Variants in OTOF observed in about 807,000 individuals in gnomAD.
The protein encoded by OTOF is fer-1-like family member 2.
In OTOF, 218 loss-of-function variants were observed where a neutral mutation model predicts 236.8. That is an observed-to-expected ratio of 0.92 (90% CI 0.82 to 1.03). The LOEUF (loss-of-function observed/expected upper bound fraction) is 1.03, where lower values mean the gene tolerates loss of function less well. Among genes scored for constraint, OTOF ranks in the 50% least tolerant of loss-of-function variants. The probability of loss-of-function intolerance (pLI) is 0.00; values close to 1 mark genes in which losing one functional copy is unlikely to be tolerated. For missense variants in OTOF, 2,590 were observed against 2,694.4 expected (o/e 0.96, Z 0.86); for synonymous variants, 1,041 against 1,072.5 (o/e 0.97, Z 0.57).
chr2:26,528,242 C>T (rs1666858274), intron 2 of OTOF, among the ~76,000 whole-genome samples: 1 of 152,204 alleles, frequency 6.6e-6, no homozygotes, highest in South Asian at 2.1e-4. Context: ...TCCATGGCCT[C>T]CCAGCTCCTG....
intron 13 of OTOF, among the ~76,000 whole-genome samples, 176 bp downstream of exon 13, chr2:26,483,286 G>A (rs761298798): frequency 1.3e-5 from 2 of 151,910 alleles, no homozygotes; most frequent in African/African-American, 2.4e-5. Flanking sequence ...TGCCCCCTGC[G>A]CAGCTCTCAG....
rs1666284999 is a variant in OTOF at position 26,507,749 on chromosome 2, C to T, written c.510-3904G>A. On this transcript the variant is annotated intron_variant, in intron 5 of 46. Transcript: ENST00000272371. ...CCAAGGGGAGGCCAGTATCCCAGGA[C>T]CCTCTGAGGATTTAGAATCCGTTTG... Among the ~76,000 whole-genome samples, 4 of 152,186 alleles carry T rather than the reference C, an allele frequency of 2.6e-5. No individual in the cohort carries two copies. In the South Asian group the frequency reaches 8.3e-4, roughly 32 times the overall value.
chr2:26,478,149 C>G, intron 18 of OTOF: 1 of 787,694 alleles, frequency 1.3e-6, no homozygotes, highest in South Asian at 3.1e-5. Flanking sequence ...GGGATGGGAA[C>G]AGATGCCTGG....
intron 5 of OTOF, among the ~76,000 whole-genome samples, chr2:26,507,303 C>A (rs1397205981): frequency 6.6e-6 from 1 of 152,190 alleles, no homozygotes; most frequent in Non-Finnish European, 1.5e-5. Context: ...GTCATCACTG[C>A]CACTAGCCTT....
Position 26,478,929 on chromosome 2 carries a change from C to T in OTOF, c.2214+335G>A, listed in dbSNP as rs565155191. ...GGCCAGGATGGTCTCGAACTCCTGACCTCAGGTGATCCACCTGCCTTGGCC... is the reference window on the plus strand; with the variant it reads ...GGCCAGGATGGTCTCGAACTCCTGATCTCAGGTGATCCACCTGCCTTGGCC... On this transcript the variant is annotated intron_variant, in intron 18 of 46. Coordinates refer to ENST00000272371, the MANE Select transcript of OTOF (RefSeq NM_194248.3). Among the ~76,000 whole-genome samples, 38 of 152,344 alleles carry T rather than the reference C, an allele frequency of 2.5e-4. 2 individuals are homozygous for T. The South Asian group carries it at 7.0e-3, about 28-fold the overall frequency.
At chr2:26,484,187 C>A (rs892352268) in intron 12 of OTOF, among the ~76,000 whole-genome samples, 4 of 152,230 alleles carry the variant, frequency 2.6e-5, no homozygotes, top group African/African-American at 9.6e-5. Flanking sequence ...GCACTTCCTG[C>A]TGCTATACTC....
At chr2:26,558,353 T>C (rs1346377777) in intron 1 of OTOF, 140 bp downstream of exon 1, 8 of 741,610 alleles carry the variant, frequency 1.1e-5, no homozygotes, top group Non-Finnish European at 2.0e-5. Flanking sequence ...TGACTACCTG[T>C]GAAAAGGCTC....
chr2:26,483,632 C>T lies in OTOF; in HGVS notation c.1222G>A (p.Glu408Lys), dbSNP rs747492513. 1.4e-5 allele frequency: 22 copies of T among 1,612,200 alleles called. No individual in the cohort carries two copies. The highest frequency in any genetic ancestry group is 2.2e-5 in the East Asian group (1 of 44,908). ...DDIEGNLLLP[E>K]GVPPERQWAR... is the part of the protein sequence containing the mutation. ...CACTGGCGTTCGGGGGGCACCCCCT[C>T]GGGGAGCAGCAAGTTCCTGCCAGCA... is the stretch of plus-strand genomic sequence containing the variant. Residue 408 changes from glutamate (E) to lysine (K), a missense_variant, in exon 13 of 47, where the codon GAG (glutamate) becomes AAG (lysine). Glu to Lys is a moderately conservative substitution (Grantham distance 56). Around this residue, in one of 2 missense-constraint regions of OTOF, gnomAD observed 1,379 missense variants for 1,341.6 expected, o/e 1.03. Coordinates refer to ENST00000272371, the MANE Select transcript of OTOF (RefSeq NM_194248.3).
intron 1 of OTOF, among the ~76,000 whole-genome samples, chr2:26,554,373 A>G (rs1667535908): frequency 6.6e-6 from 1 of 152,102 alleles, no homozygotes; most frequent in Non-Finnish European, 1.5e-5. Context: ...TGACAGTGCC[A>G]CAGTGGAAGA....
intron 38 of OTOF, 68 bp downstream of exon 38, chr2:26,465,604 G>A: frequency 6.6e-7 from 1 of 1,520,452 alleles, no homozygotes; most frequent in Non-Finnish European, 9.1e-7. Context: ...ACCAGGATCT[G>A]AATCTCATTT....
At chr2:26,468,883 C>A (rs1024782314) in intron 32 of OTOF, among the ~76,000 whole-genome samples, 1 of 147,336 alleles carries the variant, frequency 6.8e-6, no homozygotes, top group Non-Finnish European at 1.5e-5. Flanking sequence ...AGGGGAACAT[C>A]ACACACCGGG....
At chr2:26,526,370 G>A (rs559337290) in intron 3 of OTOF, among the ~76,000 whole-genome samples, 1 of 152,026 alleles carries the variant, frequency 6.6e-6, no homozygotes, top group African/African-American at 2.4e-5. Context: ...TGGATGGAGG[G>A]ATGGATTGAT....
chr2:26,534,451 C>T (rs941141063), intron 2 of OTOF, among the ~76,000 whole-genome samples: 21 of 152,266 alleles, frequency 1.4e-4, no homozygotes, highest in African/African-American at 5.1e-4. Context: ...GGAAAGGAGA[C>T]ACCATGTCCA....
intron 2 of OTOF, among the ~76,000 whole-genome samples, chr2:26,534,600 G>A (rs10180103): frequency 0.11 from 16,450 of 152,190 alleles, 2,966 homozygotes; most frequent in African/African-American, 0.37. Context: ...CCCTTGCTTG[G>A]AACCCCTTAC....
intron 46 of OTOF, 122 bp downstream of exon 46, chr2:26,459,882 ATGCT>A: frequency 2.2e-6 from 2 of 925,298 alleles, no homozygotes; most frequent in Non-Finnish European, 3.3e-6. Context: ...GTGTGCATAC[ATGCT>A]TGTGTGTGTT....
intron 5 of OTOF, among the ~76,000 whole-genome samples, chr2:26,506,948 C>T (rs1278719842): frequency 6.6e-6 from 1 of 152,186 alleles, no homozygotes; most frequent in Non-Finnish European, 1.5e-5. Flanking sequence ...CACGATCGCA[C>T]CACTGCACTC....
intron 12 of OTOF, among the ~76,000 whole-genome samples, chr2:26,484,164 C>T (rs1463345102): frequency 6.6e-6 from 1 of 152,230 alleles, no homozygotes; most frequent in African/African-American, 2.4e-5. Flanking sequence ...CAGAAGAAAC[C>T]TTGGCTCTCC....
intron 5 of OTOF, among the ~76,000 whole-genome samples, chr2:26,511,876 C>G (rs1401628951): frequency 6.6e-6 from 1 of 152,128 alleles, no homozygotes; most frequent in East Asian, 1.9e-4. Context: ...CTGTGGAAAC[C>G]GATTTAAAAA....
chr2:26,529,597 A>G (rs1184904406), intron 2 of OTOF, among the ~76,000 whole-genome samples: 1 of 152,152 alleles, frequency 6.6e-6, no homozygotes, highest in African/African-American at 2.4e-5. Context: ...TGCCATTCCC[A>G]AAGCTGAGAT....
Sources: gnomAD v4.1 joint callset for allele counts (sites outside exome capture counted in the v4.1 genomes callset) on GRCh38, gnomAD v4.1.1 for gene constraint, gnomAD v4.1.1 regional missense constraint, MANE v1.5 for transcripts, NCBI Gene and HGNC (gene_info 2026-07-23, HGNC 2026-07-21) for gene names.